The following SLC36A1 variants were observed in gnomAD, a reference collection of about 807,000 sequenced individuals.
The protein encoded by SLC36A1 is proton-coupled amino acid transporter 1.
A neutral mutation model predicts 47.5 loss-of-function variants in SLC36A1; 30 were observed. The ratio of observed to expected loss-of-function variants is 0.63; its 90% CI spans 0.47 to 0.86. SLC36A1 has a LOEUF of 0.86. SLC36A1 is among the 40% of genes least tolerant of loss of function. The pLI is 0.00. For synonymous variants in SLC36A1, 255 were observed against 249.7 expected (o/e 1.02, Z -0.20); for missense variants, 517 against 606.0 (o/e 0.85, Z 1.54).
the SLC36A1 span, chr5:151,546,191 C>G: frequency 6.2e-7 from 1 of 1,614,172 alleles, no homozygotes; most frequent in Non-Finnish European, 8.5e-7. Context: ...TGAATGATCA[C>G]TGTAGCCAGG....
chr5:151,359,006 A>C, the SLC36A1 span, among the ~76,000 whole-genome samples: 2 of 144,920 alleles, frequency 1.4e-5, no homozygotes, highest in Non-Finnish European at 3.0e-5. Context: ...AAAAAAAAAA[A>C]AGTGTTGATT....
At chr5:151,540,754 G>A in the SLC36A1 span, 5 of 1,613,714 alleles carry the variant, frequency 3.1e-6, no homozygotes, top group Admixed American at 1.7e-5. Context: ...CTGGCCCAGG[G>A]GGTCTCCCTC....
At chr5:151,349,883 A>G in the SLC36A1 span, among the ~76,000 whole-genome samples, 3 of 152,318 alleles carry the variant, frequency 2.0e-5, no homozygotes, top group South Asian at 2.1e-4. Context: ...TATTTTTGCC[A>G]AGTTCATCAG....
chr5:151,510,015 G>C, the SLC36A1 span: 1 of 1,613,668 alleles, frequency 6.2e-7, no homozygotes, highest in Admixed American at 1.7e-5. Context: ...CCTCTCCTGG[G>C]ATTACCTGTC....
the SLC36A1 span, among the ~76,000 whole-genome samples, chr5:151,515,290 T>C: frequency 6.6e-6 from 1 of 152,192 alleles, no homozygotes; most frequent in Non-Finnish European, 1.5e-5. Context: ...GAATCCCCTC[T>C]TCCCCCAGAC....
At chr5:151,347,941 A>G in the SLC36A1 span, among the ~76,000 whole-genome samples, 5 of 152,096 alleles carry the variant, frequency 3.3e-5, no homozygotes, top group African/African-American at 1.2e-4. Flanking sequence ...AACCTAGCCC[A>G]ATTTGTCAAG....
intron 1 of SLC36A1, among the ~76,000 whole-genome samples, chr5:151,449,175 C>T (rs1169592460): frequency 2.0e-5 from 3 of 152,170 alleles, no homozygotes; most frequent in African/African-American, 7.2e-5. Context: ...TCCTCTGTTG[C>T]TATAAAATCC....
At chr5:151,379,876 A>G in the SLC36A1 span, among the ~76,000 whole-genome samples, 1 of 152,210 alleles carries the variant, frequency 6.6e-6, no homozygotes, top group Non-Finnish European at 1.5e-5. Context: ...TAGCAACTAT[A>G]TTAATGCAGG....
At chr5:151,385,736 A>G in the SLC36A1 span, among the ~76,000 whole-genome samples, 3 of 152,220 alleles carry the variant, frequency 2.0e-5, no homozygotes, top group Non-Finnish European at 4.4e-5. Flanking sequence ...CAATAAAAAA[A>G]GAGACAAAAA....
At chr5:151,553,129 T>C in the SLC36A1 span, 3 of 1,574,658 alleles carry the variant, frequency 1.9e-6, no homozygotes, top group Non-Finnish European at 2.6e-6. Flanking sequence ...AGCTGGTGTA[T>C]AAGGATGGGA....
upstream of SLC36A1, among the ~76,000 whole-genome samples, chr5:151,433,143 A>G (rs116586571): frequency 0.034 from 4,860 of 144,740 alleles, 284 homozygotes; most frequent in African/African-American, 0.12. Context: ...TACTCATTAT[A>G]ATTATTACCA....
At chr5:151,546,120 G>T in the SLC36A1 span, 2,971 of 1,614,106 alleles carry the variant, frequency 1.8e-3, 42 homozygotes, top group African/African-American at 0.035. Context: ...TTGATTCAGG[G>T]ATCTCTACAA....
chr5:151,509,942 A>T, the SLC36A1 span: 1 of 1,524,990 alleles, frequency 6.6e-7, no homozygotes, highest in Non-Finnish European at 9.0e-7. Flanking sequence ...CTGGCCTCCC[A>T]TTGGACTTTC....
At chr5:151,538,049 C>T in the SLC36A1 span, 1 of 970,296 alleles carries the variant, frequency 1.0e-6, no homozygotes, top group South Asian at 1.8e-5. Context: ...GAAAGAGAGA[C>T]ACTAAGAGGG....
the SLC36A1 span, among the ~76,000 whole-genome samples, chr5:151,421,966 T>C: frequency 6.6e-6 from 1 of 152,220 alleles, no homozygotes. Context: ...GACACCACTT[T>C]TGTGATGGAA....
chr5:151,540,879 T>G, the SLC36A1 span: 1 of 964,818 alleles, frequency 1.0e-6, no homozygotes. Context: ...AGCAAACATT[T>G]CCTTCCTTAA....
At chr5:151,347,334 A>G in the SLC36A1 span, 1 of 1,614,224 alleles carries the variant, frequency 6.2e-7, no homozygotes, top group Non-Finnish European at 8.5e-7. Context: ...GCTGACTCTG[A>G]AGGACTTTCA....
At chr5:151,410,513 G>T in the SLC36A1 span, among the ~76,000 whole-genome samples, 58 of 144,154 alleles carry the variant, frequency 4.0e-4, 6 homozygotes, top group Admixed American at 3.7e-3. Context: ...TAAGGACTTG[G>T]TGAATAAATT....
the SLC36A1 span, among the ~76,000 whole-genome samples, chr5:151,391,210 G>T: frequency 6.6e-6 from 1 of 152,062 alleles, no homozygotes; most frequent in Non-Finnish European, 1.5e-5. Flanking sequence ...CTCTCTGTCT[G>T]TTATTGGTGT....
Sources: allele counts gnomAD v4.1 joint callset (sites outside exome capture counted in the v4.1 genomes callset), GRCh38; gene constraint gnomAD v4.1.1; transcripts MANE v1.5; gene names NCBI Gene and HGNC (gene_info 2026-07-23, HGNC 2026-07-21).